The following SLC25A26 variants were observed in gnomAD, a reference collection of about 807,000 sequenced individuals.
The protein encoded by SLC25A26 is solute carrier family 25 member 26, also known as mitochondrial S-adenosylmethionine carrier protein.
A neutral mutation model predicts 37.8 loss-of-function variants in SLC25A26; 36 were observed. The ratio of observed to expected loss-of-function variants is 0.95; its 90% CI spans 0.73 to 1.26. The LOEUF (loss-of-function observed/expected upper bound fraction) is 1.26. Ranked by LOEUF, SLC25A26 falls within the 50% of genes most tolerant of loss-of-function variation. The probability of loss-of-function intolerance (pLI) is 0.00; values close to 1 mark genes in which losing one functional copy is unlikely to be tolerated. For missense variants in SLC25A26, 390 were observed against 331.1 expected, an observed-to-expected ratio of 1.18 and a Z score of -1.38; for synonymous variants, 129 against 122.5, an observed-to-expected ratio of 1.05 and a Z score of -0.35.
chr3:66,248,425 A>G (rs1361912825), intron 3 of SLC25A26, among the ~76,000 whole-genome samples: 2 of 152,238 alleles, frequency 1.3e-5, no homozygotes, highest in Non-Finnish European at 2.9e-5. Flanking sequence ...TGGGAAGTAG[A>G]ATCTGTAATT....
intron 3 of SLC25A26, among the ~76,000 whole-genome samples, chr3:66,260,631 T>C (rs2073490504): frequency 6.6e-6 from 1 of 152,184 alleles, no homozygotes; most frequent in Non-Finnish European, 1.5e-5. Context: ...TCACATGGTG[T>C]CTTTGTCCCA....
intron 1 of SLC25A26, among the ~76,000 whole-genome samples, chr3:66,214,375 CT>C (rs1455142254): frequency 6.6e-6 from 1 of 152,152 alleles, no homozygotes; most frequent in Non-Finnish European, 1.5e-5. Flanking sequence ...AACCTCTTTT[CT>C]TTATATGTTA....
chr3:66,240,617 T>A (rs555085715), intron 2 of SLC25A26, among the ~76,000 whole-genome samples: 117 of 152,118 alleles, frequency 7.7e-4, no homozygotes, highest in Non-Finnish European at 1.0e-3. Context: ...CTATGAATGA[T>A]GTGCTATATG....
At chr3:66,227,720 G>A (rs1553661260) in intron 1 of SLC25A26, among the ~76,000 whole-genome samples, 1 of 152,088 alleles carries the variant, frequency 6.6e-6, no homozygotes, top group Non-Finnish European at 1.5e-5. Flanking sequence ...CTGTCATCTG[G>A]GGAGCTTTTT....
At chr3:66,291,522 TC>T (rs1317368729) in intron 5 of SLC25A26, among the ~76,000 whole-genome samples, 1 of 152,222 alleles carries the variant, frequency 6.6e-6, no homozygotes, top group Non-Finnish European at 1.5e-5. Context: ...TTCATCAGTT[TC>T]AAAGAACTTA....
At chr3:66,245,357 C>A (rs1009334022) in intron 3 of SLC25A26, among the ~76,000 whole-genome samples, 5 of 151,826 alleles carry the variant, frequency 3.3e-5, no homozygotes, top group Admixed American at 1.3e-4. Flanking sequence ...CTCCCTACCC[C>A]TTCTGCACAA....
chr3:66,219,952 T>C (rs985455108), upstream of SLC25A26, among the ~76,000 whole-genome samples: 3 of 152,210 alleles, frequency 2.0e-5, no homozygotes, highest in African/African-American at 7.2e-5. Flanking sequence ...TTGAATTCCA[T>C]CTAACACCTA....
At chr3:66,168,204 C>T (rs1296613982) in intron 1 of SLC25A26, among the ~76,000 whole-genome samples, 1 of 49,272 alleles carries the variant, frequency 2.0e-5, no homozygotes, top group Non-Finnish European at 4.4e-5. Flanking sequence ...TATATATACA[C>T]ACACACACAC....
At chr3:66,325,710 G>A (rs546888775) in intron 5 of SLC25A26, among the ~76,000 whole-genome samples, 140 of 152,300 alleles carry the variant, frequency 9.2e-4, no homozygotes, top group African/African-American at 3.1e-3. Context: ...CCAGTGTAGC[G>A]TAAAGCACCA....
intron 5 of SLC25A26, among the ~76,000 whole-genome samples, chr3:66,321,990 A>G (rs960590903): frequency 1.3e-5 from 2 of 152,128 alleles, no homozygotes; most frequent in African/African-American, 4.8e-5. Flanking sequence ...TAAGCCATTC[A>G]TGAGGGTGGT....
At chr3:66,281,421 C>A (rs577924436) in intron 5 of SLC25A26, among the ~76,000 whole-genome samples, 99 of 152,290 alleles carry the variant, frequency 6.5e-4, no homozygotes, top group African/African-American at 2.1e-3. Context: ...TTGTCTGAAG[C>A]ATTTGTTACA....
At chr3:66,347,875 A>G (rs2076362274) in intron 6 of SLC25A26, among the ~76,000 whole-genome samples, 1 of 152,202 alleles carries the variant, frequency 6.6e-6, no homozygotes, top group South Asian at 2.1e-4. Context: ...TAATGCAGGA[A>G]CAGAAAAGCA....
chr3:66,185,919 C>A (rs1404287437), intron 1 of SLC25A26, among the ~76,000 whole-genome samples: 1 of 151,998 alleles, frequency 6.6e-6, no homozygotes, highest in Non-Finnish European at 1.5e-5. Flanking sequence ...TAACCCTTAC[C>A]TCACCATGAT....
chr3:66,333,463 A>T (rs2076023704), intron 5 of SLC25A26, among the ~76,000 whole-genome samples: 1 of 152,082 alleles, frequency 6.6e-6, no homozygotes. Context: ...ATGTTTTTAG[A>T]TGTGGGAAAG....
chr3:66,369,442 A>C, intron 7 of SLC25A26, 36 bp from the exon 8 acceptor site: 1 of 1,563,714 alleles, frequency 6.4e-7, no homozygotes, highest in Non-Finnish European at 8.7e-7. Flanking sequence ...TACAGTAAAC[A>C]GGATCTCACT....
intron 1 of SLC25A26, among the ~76,000 whole-genome samples, chr3:66,167,928 C>T (rs541636146): frequency 5.1e-4 from 78 of 151,618 alleles, no homozygotes; most frequent in Non-Finnish European, 5.3e-4. Flanking sequence ...CCGAGGCGGG[C>T]GGATCACCTG....
chr3:66,259,123 A>C (rs114259623), intron 3 of SLC25A26, among the ~76,000 whole-genome samples: 1,772 of 152,060 alleles, frequency 0.012, 37 homozygotes, highest in African/African-American at 0.041. Flanking sequence ...GTTTTTCCTA[A>C]CTGGGAAGCC....
intron 3 of SLC25A26, among the ~76,000 whole-genome samples, chr3:66,247,640 G>T (rs879362046): frequency 1.3e-5 from 2 of 152,152 alleles, no homozygotes; most frequent in Non-Finnish European, 2.9e-5. Flanking sequence ...TTTAAATTCA[G>T]TTATGGTTTA....
intron 1 of SLC25A26, among the ~76,000 whole-genome samples, chr3:66,165,362 G>A (rs2070411527): frequency 6.6e-6 from 1 of 152,150 alleles, no homozygotes; most frequent in East Asian, 1.9e-4. Context: ...TGACTCACAG[G>A]AACTATGAGA....
Sources: gnomAD v4.1 joint callset for allele counts (sites outside exome capture counted in the v4.1 genomes callset) on GRCh38, gnomAD v4.1.1 for gene constraint, MANE v1.5 for transcripts, NCBI Gene and HGNC (gene_info 2026-07-23, HGNC 2026-07-21) for gene names.